Variants in PSMA7 observed in about 807,000 individuals in gnomAD.
PSMA7 encodes proteasome 20S subunit alpha 7.
Under a neutral mutation model 31.3 loss-of-function variants are expected in PSMA7, and 5 were observed. That is an observed-to-expected ratio of 0.16 (90% CI 0.08 to 0.34). The LOEUF is 0.34. PSMA7 is among the 10% of genes least tolerant of loss of function. PSMA7 has a pLI of 1.00. For synonymous variants in PSMA7, 155 were observed against 121.9 expected (o/e 1.27, Z -1.79); for missense variants, 217 against 327.5 (o/e 0.66, Z 2.60).
chr20:62,142,974 A>G (rs2056946926), intron 1 of PSMA7, among the ~76,000 whole-genome samples: 1 of 149,998 alleles, frequency 6.7e-6, no homozygotes, highest in Non-Finnish European at 1.5e-5. Flanking sequence ...GCCCCAAGCG[A>G]GGCGCTGAGT....
intron 3 of PSMA7, 29 bp from the exon 4 acceptor site, chr20:62,139,226 A>G (rs1344038093): frequency 6.2e-7 from 1 of 1,601,608 alleles, no homozygotes. Flanking sequence ...GGTCAGTGCC[A>G]TCCAATTAAG....
chr20:62,137,503 A>G, intron 5 of PSMA7, 77 bp from the exon 6 acceptor site: 1 of 1,378,546 alleles, frequency 7.3e-7, no homozygotes, highest in Non-Finnish European at 1.0e-6. Context: ...AGTACCTTAA[A>G]TAGGTGTGTA....
In PSMA7 at chr20:62,136,963, C is replaced by T; in HGVS notation, c.655-14G>A. 6.3e-7 allele frequency: 1 copy of T among 1,595,494 alleles called. No individual in the cohort carries two copies. The highest frequency in any genetic ancestry group is 8.5e-7 in the Non-Finnish European group (1 of 1,174,650). ...AGGATTTAAAATCTATAGAAAAAAACTTCATGGTTACCTAAGCCACACAAG... is the reference window on the plus strand; with the variant it reads ...AGGATTTAAAATCTATAGAAAAAAATTTCATGGTTACCTAAGCCACACAAG... On this transcript the variant is annotated splice_polypyrimidine_tract_variant and intron_variant, in intron 6 of 6. Coordinates refer to ENST00000370873, the MANE Select transcript of PSMA7 (RefSeq NM_002792.4).
chr20:62,143,155 C>A (rs2056950515), intron 1 of PSMA7, 53 bp downstream of exon 1: 1 of 1,252,472 alleles, frequency 8.0e-7, no homozygotes, highest in Non-Finnish European at 1.0e-6. Context: ...TCTGGGCTCC[C>A]CAGCCCCACT....
rs1189727 is a variant in PSMA7, at chr20:62,139,246, G to A, written c.349-49C>T. The A allele has an allele frequency of 0.011, 16,999 of 1,595,926 alleles. 1,566 individuals carry two copies. The African/African-American group carries it at 0.2, about 19-fold the overall frequency. On this transcript the variant is annotated intron_variant, in intron 3 of 6. Transcript: ENST00000370873. ...GTGCCATCCAATTAAGAAACTGCAT[G>A]TGAGGAAAGAACCGTACTTAGTGAA...
chr20:62,140,973 G>C lies in PSMA7; in HGVS notation c.97-29C>G. ...TAATTAAGATCCACAAACCACGTAAGAAAGTGATATGAGTGCTGGGTGCAG... is the reference window on the plus strand; with the variant it reads ...TAATTAAGATCCACAAACCACGTAACAAAGTGATATGAGTGCTGGGTGCAG... On this transcript the variant is annotated intron_variant, in intron 1 of 6. Coordinates refer to ENST00000370873, the MANE Select transcript of PSMA7 (RefSeq NM_002792.4). The C allele has an allele frequency of 2.5e-6, 4 of 1,613,006 alleles. No homozygotes were observed. The South Asian group carries it at 4.4e-5, about 18-fold the overall frequency.
chr20:62,141,038 G>T, intron 1 of PSMA7, 94 bp from the exon 2 acceptor site: 1 of 1,481,428 alleles, frequency 6.8e-7, no homozygotes, highest in Non-Finnish European at 9.3e-7. Flanking sequence ...GGGAGGCTGA[G>T]GTGGGTGGAT....
chr20:62,142,921 G>A (rs1247563866), intron 1 of PSMA7, among the ~76,000 whole-genome samples: 4 of 150,670 alleles, frequency 2.7e-5, no homozygotes, highest in Admixed American at 2.0e-4. Flanking sequence ...GCTCAAGATG[G>A]CGTCGTCACG....
At chr20:62,138,985 A>G in intron 4 of PSMA7, 90 bp downstream of exon 4, 1 of 1,490,104 alleles carries the variant, frequency 6.7e-7, no homozygotes, top group Non-Finnish European at 9.1e-7. Context: ...ATTCACTGAT[A>G]CAGGGCCTAC....
Position 62,139,853 on chromosome 20 carries a change from C to T in PSMA7, c.276G>A (p.Gln92=), listed in dbSNP as rs2056916672. 1 of 1,613,978 alleles carries T rather than the reference C, an allele frequency of 6.2e-7. No individual in the cohort carries two copies. Among genetic ancestry groups the T allele is most frequent in the South Asian group, 1.1e-5 (1 of 91,092 alleles). The stretch of plus-strand genomic sequence containing the variant: ...GGTCCTCCACAGTCAGCCGGTGGCT[C>T]TGGCACTCCACCCGGGCCCTGTTGA... ...IVINRARVEC[Q]SHRLTVEDPV... is the part of the protein sequence containing the mutation. The change falls in exon 3 of 7, where the codon CAG becomes CAA. Residue 92 remains glutamine, a synonymous_variant. Transcript: ENST00000370873.
rs1310981001 is a variant in PSMA7, at chr20:62,137,697, T to A, written c.592-271A>T. Among the ~76,000 whole-genome samples the A allele has an allele frequency of 6.3e-4, 96 of 152,306 alleles. 1 individual carries two copies. The highest frequency in any genetic ancestry group is 6.3e-3 in the Admixed American group (96 of 15,296). ...CAGGCCCTCCTCTTGACACAGTGGT[T>A]ACAACCAGGAATCCTGATGCCTACG... On this transcript the variant is annotated intron_variant, in intron 5 of 6. Coordinates refer to ENST00000370873, the MANE Select transcript of PSMA7 (RefSeq NM_002792.4).
rs1445539213 is a variant in PSMA7 at position 62,136,900 on chromosome 20, T to C, written c.704A>G (p.Glu235Gly). Residue 235 changes from glutamate to glycine, a missense_variant, in exon 7 of 7, where the codon GAA (glutamate) becomes GGA (glycine). By Grantham distance (98) the Glu-to-Gly change is moderately conservative (BLOSUM62 -2). Around this residue, in one of 3 missense-constraint regions of PSMA7, gnomAD observed 88 missense variants for 111.6 expected, o/e 0.79. Coordinates refer to ENST00000370873, the MANE Select transcript of PSMA7 (RefSeq NM_002792.4). ...TTTCTTCTTTTCGTTTTCTTCTTTT[T>C]CTTTTTCAATTTCAGCAACATACTT... ...IEKYVAEIEK[E>G]KEENEKKKQK... The C allele has an allele frequency of 3.1e-6, 5 of 1,600,538 alleles. No individual in the cohort carries two copies. Among genetic ancestry groups the C allele is most frequent in the African/African-American group, 2.7e-5 (2 of 74,016 alleles).
intron 1 of PSMA7, among the ~76,000 whole-genome samples, chr20:62,142,946 G>A (rs1281450559): frequency 1.3e-5 from 2 of 150,236 alleles, no homozygotes; most frequent in African/African-American, 4.9e-5. Flanking sequence ...CCGTGCCCGG[G>A]GCCCCACGCG....
At chr20:62,140,748 G>C in intron 2 of PSMA7, 70 bp downstream of exon 2, 2 of 1,562,636 alleles carry the variant, frequency 1.3e-6, no homozygotes, top group Non-Finnish European at 8.7e-7. Flanking sequence ...ACACACCCAA[G>C]TTAATCTCCA....
At chr20:62,137,490 A>C in intron 5 of PSMA7, 64 bp from the exon 6 acceptor site, 28 of 1,504,438 alleles carry the variant, frequency 1.9e-5, no homozygotes, top group Non-Finnish European at 2.4e-5. Context: ...AGCAGCTCTC[A>C]GGAGTACCTT....
At chr20:62,139,242 G>A (rs748304207) in intron 3 of PSMA7, 45 bp from the exon 4 acceptor site, 1 of 1,595,772 alleles carries the variant, frequency 6.3e-7, no homozygotes, top group African/African-American at 1.3e-5. Flanking sequence ...TTAAGAAACT[G>A]CATGTGAGGA....
In PSMA7 at chr20:62,136,979, G is replaced by A. The variant is rs1047919; in HGVS notation, c.655-30C>T. On this transcript the variant is annotated intron_variant, in intron 6 of 6. Transcript: ENST00000370873. Reference sequence around the variant, plus strand: ...AGAAAAAAACTTCATGGTTACCTAAGCCACACAAGGTGCCAAGGAACCAGC... The same window carrying A: ...AGAAAAAAACTTCATGGTTACCTAAACCACACAAGGTGCCAAGGAACCAGC... 2.3e-3 allele frequency: 3,669 copies of A among 1,591,840 alleles called. 89 individuals are homozygous for A. In the African/African-American group the frequency reaches 0.044, roughly 19 times the overall value.
rs528440538 is a variant in PSMA7 at position 62,140,449 on chromosome 20, G to C, written c.223+369C>G. 6.6e-5 allele frequency among the ~76,000 whole-genome samples: 10 copies of C among 152,336 alleles called. 1 individual carries two copies. In the South Asian group the frequency reaches 1.9e-3, roughly 28 times the overall value. On this transcript the variant is annotated intron_variant, in intron 2 of 6. Coordinates refer to ENST00000370873, the MANE Select transcript of PSMA7 (RefSeq NM_002792.4). ...GGCATGGCCTGCATCCACCAGTGTG[G>C]TCCTTTTTACTGCTGGGGATGGCAG...
At chr20:62,142,222 A>G (rs2056934566) in intron 1 of PSMA7, among the ~76,000 whole-genome samples, 2 of 152,118 alleles carry the variant, frequency 1.3e-5, no homozygotes, top group South Asian at 2.1e-4. Context: ...CAGAGAAGCT[A>G]TATGGGTTCG....
Sources: allele counts gnomAD v4.1 joint callset (sites outside exome capture counted in the v4.1 genomes callset), GRCh38; gene constraint gnomAD v4.1.1; regional missense constraint gnomAD v4.1.1; transcripts MANE v1.5; gene names NCBI Gene and HGNC (gene_info 2026-07-23, HGNC 2026-07-21).